The following IGF1 variants were observed in gnomAD, a reference collection of about 807,000 sequenced individuals.
IGF1 encodes the protein insulin-like growth factor 1.
In IGF1, 4 loss-of-function variants were observed where a neutral mutation model predicts 13.8. The observed-to-expected ratio is 0.29, with a 90% CI of 0.14 to 0.66. The LOEUF is 0.66. IGF1 is among the 30% of genes least tolerant of loss of function. The pLI is 0.78. For synonymous variants in IGF1, 76 were observed against 72.6 expected (o/e 1.05, Z -0.23); for missense variants, 124 against 188.5 (o/e 0.66, Z 2.00).
intron 3 of IGF1, chr12:102,417,720 C>G (rs1487644405): frequency 1.3e-6 from 2 of 1,556,264 alleles, no homozygotes; most frequent in African/African-American, 2.8e-5. Context: ...AGCAGGCCTA[C>G]TTTTCTTCAT....
At position 102,475,752 on chromosome 12, in the gene IGF1, C is replaced by T. The variant is rs547720263; in HGVS notation, c.111G>A (p.Leu37=). 7 of 1,614,196 alleles carry T rather than the reference C, an allele frequency of 4.3e-6. No homozygotes were observed. The Admixed American group carries it at 5.0e-5, about 12-fold the overall frequency. Residue 37 remains leucine (L), a synonymous_variant, in exon 2 of 4, where the codon CTG becomes CTA. Coordinates refer to ENST00000337514, the MANE Select transcript of IGF1 (RefSeq NM_000618.5). Reference sequence around the variant, plus strand: ...CAGAGCTGGTGAAGGTGAGCAGGCACAGCGCCAGGTAGAAGAGATGCGAGG... The same window carrying T: ...CAGAGCTGGTGAAGGTGAGCAGGCATAGCGCCAGGTAGAAGAGATGCGAGG... ...MSSSHLFYLA[L]CLLTFTSSAT... is the part of the protein sequence containing the mutation.
chr12:102,421,000 C>T (rs1477824635), intron 2 of IGF1, among the ~76,000 whole-genome samples: 1 of 152,220 alleles, frequency 6.6e-6, no homozygotes, highest in East Asian at 1.9e-4. Flanking sequence ...ATTTTGCACT[C>T]CCTCATTGGG....
At position 102,419,531 on chromosome 12, in the gene IGF1, G is replaced by C. The variant is rs776234219; in HGVS notation, c.380C>G (p.Thr127Ser). The change falls in exon 3 of 4, where the codon ACC (threonine) becomes AGC (serine). Residue 127 changes from threonine (T) to serine (S), a missense_variant. Around this residue, in one of 2 missense-constraint regions of IGF1, gnomAD observed 99 missense variants for 171.4 expected, o/e 0.58. Transcript: ENST00000337514. ...TACCTTCTGGGTCTTGGGCATGTCG[G>C]TGTGGCGCTGGGCACGGACAGAGCG... ...SARSVRAQRH[T>S]DMPKTQKEVH... 6.2e-7 allele frequency: 1 copy of C among 1,613,476 alleles called. No homozygotes were observed. The highest frequency in any genetic ancestry group is 1.1e-5 in the South Asian group (1 of 91,046).
intron 2 of IGF1, among the ~76,000 whole-genome samples, chr12:102,449,686 A>T (rs1029402367): frequency 7.0e-6 from 1 of 142,046 alleles, no homozygotes. Context: ...GAGAAGGGAC[A>T]TCCTGAGAGA....
intron 2 of IGF1, among the ~76,000 whole-genome samples, chr12:102,452,586 G>A (rs1260265229): frequency 2.0e-5 from 3 of 152,184 alleles, no homozygotes; most frequent in Non-Finnish European, 4.4e-5. Flanking sequence ...CAAAACTGTA[G>A]GCCATTCAGC....
chr12:102,463,042 T>G (rs983567411), intron 2 of IGF1: 1 of 152,166 alleles, frequency 6.6e-6, no homozygotes. Flanking sequence ...CCTTTGACCA[T>G]ATTAGATAAA....
chr12:102,407,561 C>T lies in IGF1; in HGVS notation c.403-4995G>A, dbSNP rs1009845099. On this transcript the variant is annotated intron_variant, in intron 3 of 3. Coordinates refer to ENST00000337514, the MANE Select transcript of IGF1 (RefSeq NM_000618.5). ...ATGTAATAGTGGTTGGAATTTGGACCTATTCCTTCTGATTCTGGAGCTCAC... is the reference window on the plus strand; with the variant it reads ...ATGTAATAGTGGTTGGAATTTGGACTTATTCCTTCTGATTCTGGAGCTCAC... Among the ~76,000 whole-genome samples the T allele has an allele frequency of 4.6e-5, 7 of 152,274 alleles. No individual in the cohort carries two copies. The South Asian group carries it at 1.2e-3, about 27-fold the overall frequency.
At chr12:102,445,987 TA>T (rs1878287158) in intron 2 of IGF1, among the ~76,000 whole-genome samples, 1 of 152,234 alleles carries the variant, frequency 6.6e-6, no homozygotes, top group Non-Finnish European at 1.5e-5. Flanking sequence ...TCTCTTGAGA[TA>T]ATCATGTGGT....
At chr12:102,449,669 G>T (rs1878741786) in intron 2 of IGF1, among the ~76,000 whole-genome samples, 1 of 142,200 alleles carries the variant, frequency 7.0e-6, no homozygotes, top group African/African-American at 2.5e-5. Flanking sequence ...CCTCTCTCAG[G>T]ATGTCAGAGA....
At chr12:102,457,773 A>G (rs979054461) in intron 2 of IGF1, among the ~76,000 whole-genome samples, 1 of 152,210 alleles carries the variant, frequency 6.6e-6, no homozygotes, top group Non-Finnish European at 1.5e-5. Flanking sequence ...CTTTAATTCT[A>G]TAGGTTTATG....
intron 1 of IGF1, among the ~76,000 whole-genome samples, chr12:102,479,663 T>A (rs1881285872): frequency 6.6e-6 from 1 of 152,194 alleles, no homozygotes; most frequent in African/African-American, 2.4e-5. Flanking sequence ...CCATATACAG[T>A]ATGTATTTGT....
intron 2 of IGF1, among the ~76,000 whole-genome samples, chr12:102,467,233 G>C (rs1055099422): frequency 6.6e-5 from 10 of 152,028 alleles, no homozygotes; most frequent in African/African-American, 1.7e-4. Context: ...AGTTTAAAAG[G>C]GTCCCTCAAA....
chr12:102,442,343 G>C (rs1877937008), intron 2 of IGF1, among the ~76,000 whole-genome samples: 1 of 152,044 alleles, frequency 6.6e-6, no homozygotes, highest in Non-Finnish European at 1.5e-5. Context: ...GAGAAACTTG[G>C]TGTGAAACCA....
intron 3 of IGF1, among the ~76,000 whole-genome samples, chr12:102,404,296 C>CTGAGACCTGGAGAAGGTGAGAGGTTTT (rs1479977470): frequency 6.6e-6 from 1 of 152,166 alleles, no homozygotes; most frequent in Non-Finnish European, 1.5e-5. Context: ...TTACACAGAC[C>CTGAGACCTGGAGAAGGTGAGAGGTTTT]TGAGACCTGG....
chr12:102,446,689 A>AT (rs1288008915), intron 2 of IGF1, among the ~76,000 whole-genome samples: 1 of 150,216 alleles, frequency 6.7e-6, no homozygotes, highest in Non-Finnish European at 1.5e-5. Flanking sequence ...AGATTCCTGA[A>AT]TTTTTTGAAG....
chr12:102,426,054 A>G (rs1316657878), intron 2 of IGF1, among the ~76,000 whole-genome samples: 5 of 152,200 alleles, frequency 3.3e-5, no homozygotes, highest in African/African-American at 1.2e-4. Flanking sequence ...TAAGTTAGCT[A>G]CCATTTTCTA....
At chr12:102,450,000 A>G (rs1878775282) in intron 2 of IGF1, among the ~76,000 whole-genome samples, 1 of 152,082 alleles carries the variant, frequency 6.6e-6, no homozygotes, top group Non-Finnish European at 1.5e-5. Flanking sequence ...GTGCTCAGAC[A>G]TGTTAAACGT....
intron 3 of IGF1, among the ~76,000 whole-genome samples, chr12:102,405,635 G>C (rs1451526319): frequency 6.6e-6 from 1 of 152,100 alleles, no homozygotes; most frequent in Admixed American, 6.5e-5. Flanking sequence ...TTTACCTTTT[G>C]TTTTTCTGTT....
intron 2 of IGF1, among the ~76,000 whole-genome samples, chr12:102,456,220 AGG>A (rs1879383696): frequency 8.9e-6 from 1 of 111,910 alleles, no homozygotes; most frequent in African/African-American, 3.7e-5. Flanking sequence ...CATTTAAAAA[AGG>A]TGTGTGTGTG....
Sources: gnomAD v4.1 joint callset for allele counts (sites outside exome capture counted in the v4.1 genomes callset) on GRCh38, gnomAD v4.1.1 for gene constraint, gnomAD v4.1.1 regional missense constraint, MANE v1.5 for transcripts, NCBI Gene and HGNC (gene_info 2026-07-23, HGNC 2026-07-21) for gene names.